Variants in ST6GALNAC5 observed in about 807,000 individuals in gnomAD.
ST6GALNAC5 encodes the protein ST6 N-acetylgalactosaminide alpha-2,6-sialyltransferase 5, also known as alpha-N-acetylgalactosaminide alpha-2,6-sialyltransferase 5.
Under a neutral mutation model 33.6 loss-of-function variants are expected in ST6GALNAC5, and 27 were observed. The ratio of observed to expected loss-of-function variants is 0.80; its 90% CI spans 0.59 to 1.11. The LOEUF (loss-of-function observed/expected upper bound fraction) is 1.11, where lower values mean the gene tolerates loss of function less well. ST6GALNAC5 is among the 50% of genes least tolerant of loss of function. The pLI is 0.00. For synonymous variants in ST6GALNAC5, 194 were observed against 171.2 expected, an observed-to-expected ratio of 1.13 and a Z score of -1.04; for missense variants, 428 against 454.0, an observed-to-expected ratio of 0.94 and a Z score of 0.52.
chr1:76,886,476 G>A (rs901690933), intron 2 of ST6GALNAC5, among the ~76,000 whole-genome samples: 14 of 152,208 alleles, frequency 9.2e-5, no homozygotes, highest in African/African-American at 3.4e-4. Context: ...CTCCCATGAC[G>A]GCCAGCTGGC....
chr1:76,883,426 A>C (rs924466662), intron 2 of ST6GALNAC5, among the ~76,000 whole-genome samples: 11 of 152,226 alleles, frequency 7.2e-5, no homozygotes, highest in African/African-American at 2.7e-4. Context: ...TTCTATTTTA[A>C]TTGTATGTAG....
intron 2 of ST6GALNAC5, among the ~76,000 whole-genome samples, chr1:76,984,909 A>G (rs977512038): frequency 6.6e-6 from 1 of 152,254 alleles, no homozygotes; most frequent in African/African-American, 2.4e-5. Context: ...AACCAATGAC[A>G]GAAACCACAT....
At chr1:77,040,482 C>T (rs146341083) in intron 2 of ST6GALNAC5, among the ~76,000 whole-genome samples, 1 of 152,098 alleles carries the variant, frequency 6.6e-6, no homozygotes, top group African/African-American at 2.4e-5. Flanking sequence ...CTAGTGGTGC[C>T]CACTAATCAC....
chr1:76,910,358 GTT>G (rs1646898833), intron 2 of ST6GALNAC5, among the ~76,000 whole-genome samples: 6 of 152,002 alleles, frequency 3.9e-5, no homozygotes. Context: ...AACTGCAGTG[GTT>G]AAAGATGTGT....
chr1:77,040,313 G>A (rs1651791953), intron 2 of ST6GALNAC5, among the ~76,000 whole-genome samples: 1 of 152,180 alleles, frequency 6.6e-6, no homozygotes, highest in Non-Finnish European at 1.5e-5. Flanking sequence ...AGCACCTAAG[G>A]CATACTTCAG....
chr1:76,895,400 T>C (rs1170359261), intron 2 of ST6GALNAC5, among the ~76,000 whole-genome samples: 3 of 151,744 alleles, frequency 2.0e-5, no homozygotes, highest in Admixed American at 6.6e-5. Context: ...GAAGGAAGAT[T>C]TTGTGGTAAG....
At chr1:76,975,075 C>G (rs903425103) in intron 2 of ST6GALNAC5, among the ~76,000 whole-genome samples, 1 of 151,902 alleles carries the variant, frequency 6.6e-6, no homozygotes, top group African/African-American at 2.4e-5. Context: ...GCGTGAGCCA[C>G]CGTGCCCAGG....
chr1:76,954,314 T>C (rs754763709), intron 2 of ST6GALNAC5, among the ~76,000 whole-genome samples: 1 of 151,924 alleles, frequency 6.6e-6, no homozygotes, highest in Non-Finnish European at 1.5e-5. Context: ...CACTTATAAG[T>C]GGGAGCTGAA....
intron 2 of ST6GALNAC5, among the ~76,000 whole-genome samples, chr1:76,961,553 C>T (rs1005834967): frequency 1.3e-5 from 2 of 152,186 alleles, no homozygotes; most frequent in East Asian, 3.9e-4. Flanking sequence ...TCATCTGCTA[C>T]TCCAACTCCC....
intron 2 of ST6GALNAC5, among the ~76,000 whole-genome samples, chr1:77,017,120 T>C (rs576851410): frequency 1.3e-5 from 2 of 149,514 alleles, no homozygotes; most frequent in South Asian, 4.2e-4. Context: ...AGTCCAAGCT[T>C]GTGTTTCAGA....
intron 2 of ST6GALNAC5, among the ~76,000 whole-genome samples, chr1:76,875,325 G>T (rs753466748): frequency 6.6e-6 from 1 of 152,152 alleles, no homozygotes; most frequent in Non-Finnish European, 1.5e-5. Flanking sequence ...TTGGGCGGTT[G>T]TAATTTCCCA....
intron 2 of ST6GALNAC5, among the ~76,000 whole-genome samples, chr1:77,041,855 G>A (rs1210125256): frequency 2.0e-5 from 3 of 152,214 alleles, no homozygotes; most frequent in African/African-American, 7.2e-5. Flanking sequence ...CATCCACTGA[G>A]CCCAGTGCCC....
chr1:77,011,538 T>A (rs556233708), intron 2 of ST6GALNAC5, among the ~76,000 whole-genome samples: 7 of 152,202 alleles, frequency 4.6e-5, no homozygotes, highest in Admixed American at 1.3e-4. Context: ...CAATCTCCCA[T>A]TGGTACTTTA....
At chr1:77,044,089 G>A (rs1313156047) in intron 2 of ST6GALNAC5, 115 bp from the exon 3 acceptor site, 1 of 1,145,364 alleles carries the variant, frequency 8.7e-7, no homozygotes, top group Admixed American at 2.8e-5. Flanking sequence ...CTGACATGAT[G>A]GGGAGGAGAG....
intron 2 of ST6GALNAC5, among the ~76,000 whole-genome samples, chr1:76,894,541 C>G (rs1034188513): frequency 6.6e-6 from 1 of 152,140 alleles, no homozygotes; most frequent in African/African-American, 2.4e-5. Flanking sequence ...TCCCTGAGGA[C>G]TTGATAGGCA....
chr1:76,970,121 C>T (rs858595), intron 2 of ST6GALNAC5, among the ~76,000 whole-genome samples: 85,244 of 151,716 alleles, frequency 0.56, 25,542 homozygotes, highest in African/African-American at 0.78. Context: ...AAGCTGAAAA[C>T]TCTGAAAACC....
chr1:77,003,706 GC>G (rs1317403387), intron 2 of ST6GALNAC5, among the ~76,000 whole-genome samples: 1 of 151,886 alleles, frequency 6.6e-6, no homozygotes, highest in African/African-American at 2.4e-5. Context: ...AAATCTCTCA[GC>G]ATTTGCTTGT....
intron 2 of ST6GALNAC5, among the ~76,000 whole-genome samples, chr1:77,020,442 C>G (rs1651011050): frequency 6.6e-6 from 1 of 152,080 alleles, no homozygotes; most frequent in South Asian, 2.1e-4. Context: ...ACTTTGTCAC[C>G]CAGGCTGGAG....
intron 2 of ST6GALNAC5, among the ~76,000 whole-genome samples, chr1:76,916,008 C>T (rs1646970169): frequency 6.7e-6 from 1 of 149,304 alleles, no homozygotes; most frequent in South Asian, 2.1e-4. Context: ...TGGCCATCTG[C>T]ATTTTAAAAA....
Sources: gnomAD v4.1 joint callset for allele counts (sites outside exome capture counted in the v4.1 genomes callset) on GRCh38, gnomAD v4.1.1 for gene constraint, MANE v1.5 for transcripts, NCBI Gene and HGNC (gene_info 2026-07-23, HGNC 2026-07-21) for gene names.